The following TMEM267 variants were observed in gnomAD, a reference collection of about 807,000 sequenced individuals.
TMEM267 encodes transmembrane protein C5orf28.
Under a neutral mutation model 19.3 loss-of-function variants are expected in TMEM267, and 20 were observed. That is an observed-to-expected ratio of 1.04 (90% CI 0.73 to 1.51). The LOEUF is 1.51. Among genes scored for constraint, TMEM267 ranks in the 40% most tolerant of loss-of-function variants. The pLI, the probability that TMEM267 is intolerant of heterozygous loss-of-function variation, is 0.00. For missense variants in TMEM267, 242 were observed against 261.9 expected, an observed-to-expected ratio of 0.92 and a Z score of 0.52; for synonymous variants, 88 against 90.3, an observed-to-expected ratio of 0.97 and a Z score of 0.15.
intron 1 of TMEM267, among the ~76,000 whole-genome samples, chr5:43,474,113 C>A (rs1000750983): frequency 6.6e-6 from 1 of 152,076 alleles, no homozygotes; most frequent in African/African-American, 2.4e-5. Context: ...CAAAAATTAA[C>A]TCAAGATGGA....
At chr5:43,475,970 C>G (rs181839592) in intron 1 of TMEM267, 1 of 152,312 alleles carries the variant, frequency 6.6e-6, no homozygotes, top group East Asian at 1.9e-4. Context: ...CCAGAATTCC[C>G]TTCCTTATAT....
intron 1 of TMEM267, among the ~76,000 whole-genome samples, chr5:43,463,982 G>T (rs1387879968): frequency 6.6e-6 from 1 of 152,150 alleles, no homozygotes; most frequent in Non-Finnish European, 1.5e-5. Context: ...AGGAAATAAA[G>T]GGTATTCAAT....
Position 43,449,676 on chromosome 5 carries a change from G to A in TMEM267, c.313-3119C>T, listed in dbSNP as rs1742465565. ...CTCCCCCCAACAAAAGCACTTTTAT[G>A]TACTATAGTAATAAAGGTTTAGTTT... On this transcript the variant is annotated intron_variant, in intron 2 of 2. Transcript: ENST00000397080. Among the ~76,000 whole-genome samples the A allele has an allele frequency of 2.6e-5, 4 of 152,160 alleles. No individual in the cohort carries two copies. The South Asian group carries it at 8.3e-4, about 32-fold the overall frequency.
intron 1 of TMEM267, among the ~76,000 whole-genome samples, chr5:43,482,293 G>A (rs1194969585): frequency 1.3e-5 from 2 of 151,178 alleles, no homozygotes; most frequent in Non-Finnish European, 3.0e-5. Flanking sequence ...AACTTTTGGT[G>A]CAGATATTTA....
chr5:43,454,592 C>A (rs550511889), intron 1 of TMEM267: 2 of 152,252 alleles, frequency 1.3e-5, no homozygotes, highest in Non-Finnish European at 2.9e-5. Flanking sequence ...ATGGGCTCCA[C>A]TACACGAAAT....
intron 1 of TMEM267, among the ~76,000 whole-genome samples, chr5:43,470,396 C>G (rs898270235): frequency 4.6e-5 from 7 of 152,162 alleles, no homozygotes; most frequent in Non-Finnish European, 8.8e-5. Flanking sequence ...ACTGCTTCAG[C>G]CTCCGAAAGT....
In TMEM267 at chr5:43,463,434, T is replaced by C. The variant is rs548137720; in HGVS notation, c.-74-9391A>G. ...AAAAGAGGGAATCCTCCCTAACTCA[T>C]TTTATGAGGCCAGCATCATCCTGAT... On this transcript the variant is annotated intron_variant, in intron 1 of 2. Coordinates refer to ENST00000397080, the MANE Select transcript of TMEM267 (RefSeq NM_022483.5). 3.2e-4 allele frequency among the ~76,000 whole-genome samples: 49 copies of C among 152,308 alleles called. 1 individual carries two copies. Among genetic ancestry groups the C allele is most frequent in the African/African-American group, 1.1e-3 (44 of 41,564 alleles).
At chr5:43,471,171 T>A (rs1744042286) in intron 1 of TMEM267, among the ~76,000 whole-genome samples, 1 of 151,962 alleles carries the variant, frequency 6.6e-6, no homozygotes, top group Admixed American at 6.6e-5. Context: ...GAAACAGAAA[T>A]TTTTAAAGTA....
intron 1 of TMEM267, among the ~76,000 whole-genome samples, chr5:43,466,096 G>A (rs776333453): frequency 6.6e-6 from 1 of 151,898 alleles, no homozygotes; most frequent in East Asian, 1.9e-4. Context: ...TTATTGAATG[G>A]GATAACAGAG....
At position 43,446,491 on chromosome 5, in the gene TMEM267, T is replaced by C. The variant is rs1561182186; in HGVS notation, c.379A>G (p.Thr127Ala). The C allele has an allele frequency of 1.2e-6, 2 of 1,613,882 alleles. No homozygotes were observed. The highest frequency in any genetic ancestry group is 1.7e-6 in the Non-Finnish European group (2 of 1,179,932). The change falls in exon 3 of 3, where the codon ACC (threonine) becomes GCC (alanine). Residue 127 changes from threonine to alanine, a missense_variant. Thr to Ala is a moderately conservative substitution (Grantham distance 58). Coordinates refer to ENST00000397080, the MANE Select transcript of TMEM267 (RefSeq NM_022483.5). ...AAAAGGTGCATAGTAAATTTCAGGGTCAGAACCACAACGGGAATCACAGTA... is the reference window on the plus strand; with the variant it reads ...AAAAGGTGCATAGTAAATTTCAGGGCCAGAACCACAACGGGAATCACAGTA... The part of the protein sequence containing the change: ...CSTVIPVVVL[T>A]LKFTMHLFKL...
chr5:43,457,022 A>G (rs1031703230), intron 1 of TMEM267, among the ~76,000 whole-genome samples: 14 of 152,340 alleles, frequency 9.2e-5, no homozygotes, highest in African/African-American at 3.4e-4. Context: ...CAAAAGGTGG[A>G]ATAAAAAGGA....
intron 1 of TMEM267, among the ~76,000 whole-genome samples, chr5:43,457,371 C>T (rs1743013622): frequency 6.6e-6 from 1 of 152,162 alleles, no homozygotes; most frequent in South Asian, 2.1e-4. Context: ...TTGCATGGAA[C>T]TACCTGAAAC....
chr5:43,479,606 TATAAC>T (rs1444910456), intron 1 of TMEM267, among the ~76,000 whole-genome samples: 1 of 112,858 alleles, frequency 8.9e-6, no homozygotes, highest in Non-Finnish European at 1.9e-5. Flanking sequence ...AAATTTATTG[TATAAC>T]ATAACAATTT....
chr5:43,473,371 C>G (rs1388690763), intron 1 of TMEM267, among the ~76,000 whole-genome samples: 2 of 152,028 alleles, frequency 1.3e-5, no homozygotes, highest in Non-Finnish European at 2.9e-5. Context: ...CGTCTCAGCC[C>G]AAAATCTCCT....
At chr5:43,467,855 G>T (rs1743832459) in intron 1 of TMEM267, among the ~76,000 whole-genome samples, 2 of 152,110 alleles carry the variant, frequency 1.3e-5, no homozygotes, top group Non-Finnish European at 2.9e-5. Context: ...AAACTCAAAA[G>T]AATGCAACCA....
intron 1 of TMEM267, among the ~76,000 whole-genome samples, chr5:43,461,222 A>T (rs576717295): frequency 1.5e-4 from 23 of 152,168 alleles, no homozygotes; most frequent in South Asian, 1.0e-3. Context: ...GGACTCAAAA[A>T]CTGGCAGCAT....
chr5:43,446,595 C>A, intron 2 of TMEM267, 38 bp from the exon 3 acceptor site: 1 of 1,343,752 alleles, frequency 7.4e-7, no homozygotes, highest in Non-Finnish European at 1.0e-6. Context: ...CATTTCCTTT[C>A]TAGCAAAACA....
intron 1 of TMEM267, among the ~76,000 whole-genome samples, chr5:43,457,875 A>T (rs528802730): frequency 4.6e-5 from 7 of 152,250 alleles, no homozygotes; most frequent in Admixed American, 2.6e-4. Flanking sequence ...GTATGTTTGA[A>T]ATTTTCATTT....
chr5:43,460,622 G>T (rs1241995519), intron 1 of TMEM267, among the ~76,000 whole-genome samples: 2 of 152,100 alleles, frequency 1.3e-5, no homozygotes, highest in African/African-American at 4.8e-5. Context: ...CTACACCCCA[G>T]AAGTGGCAGA....
Sources: allele counts gnomAD v4.1 joint callset (sites outside exome capture counted in the v4.1 genomes callset), GRCh38; gene constraint gnomAD v4.1.1; transcripts MANE v1.5; gene names NCBI Gene and HGNC (gene_info 2026-07-23, HGNC 2026-07-21).